Variants in TMEM132B observed in about 807,000 individuals in gnomAD.
The protein encoded by TMEM132B is transmembrane protein 132B.
A neutral mutation model predicts 90.8 loss-of-function variants in TMEM132B; 18 were observed. That is an observed-to-expected ratio of 0.20 (90% CI 0.14 to 0.29). TMEM132B has a LOEUF of 0.29. Among genes scored for constraint, TMEM132B ranks in the 10% least tolerant of loss-of-function variants. TMEM132B has a pLI of 1.00. For missense variants in TMEM132B, 1,096 were observed against 1,326.8 expected, an observed-to-expected ratio of 0.83 and a Z score of 2.70; for synonymous variants, 504 against 523.3, an observed-to-expected ratio of 0.96 and a Z score of 0.50.
At position 125,213,231 on chromosome 12, in the gene TMEM132B, G is replaced by A. The variant is rs908044319; in HGVS notation, c.67+26365G>A. Reference sequence around the variant, plus strand: ...CACAGTGGTTTTAAGGTTCATCCACGTTGTAGCCTGTGTCAGTGCTATGCT... The same window carrying A: ...CACAGTGGTTTTAAGGTTCATCCACATTGTAGCCTGTGTCAGTGCTATGCT... On this transcript the variant is annotated intron_variant, in intron 1 of 8. Transcript: ENST00000682704. This position sits in a 1 kb window ranked among gnomAD's most constrained non-coding sequence, Gnocchi z 4.2. Among the ~76,000 whole-genome samples the A allele has an allele frequency of 2.0e-5, 3 of 152,214 alleles. No homozygotes were observed. The highest frequency in any genetic ancestry group is 4.4e-5 in the Non-Finnish European group (3 of 68,032).
At chr12:125,558,816 C>G (rs1386705956) in intron 4 of TMEM132B, among the ~76,000 whole-genome samples, 2 of 152,190 alleles carry the variant, frequency 1.3e-5, no homozygotes, top group Non-Finnish European at 2.9e-5. Context: ...CCAGCAATTA[C>G]TGTTTCTAGC....
chr12:125,662,182 G>C lies in TMEM132B; in HGVS notation c.*7472G>C, dbSNP rs1887219669. 6.6e-6 allele frequency: 1 copy of C among 152,172 alleles called. No individual in the cohort carries two copies. The allele number at this position is 152,172 out of a possible 1,614,324, so 9.4% of individuals were successfully genotyped here. A position where few individuals can be genotyped will look rare whatever the true frequency, so the allele number is the denominator to read the frequency against. On this transcript the variant is annotated 3_prime_UTR_variant, in exon 9 of 9. Coordinates refer to ENST00000682704, the MANE Select transcript of TMEM132B (RefSeq NM_001366854.1). The stretch of plus-strand genomic sequence containing the variant: ...GATTCTTGTTCCCTGGTAAACACCA[G>C]ATATTATAAACAGAGCATGCTGTTA...
intron 3 of TMEM132B, among the ~76,000 whole-genome samples, chr12:125,483,852 T>C (rs76144642): frequency 0.062 from 9,367 of 152,226 alleles, 862 homozygotes; most frequent in African/African-American, 0.2. Context: ...AAGAAAAATA[T>C]GATTGCCTTG....
intron 2 of TMEM132B, among the ~76,000 whole-genome samples, chr12:125,384,849 A>G (rs779298895): frequency 6.6e-6 from 1 of 152,178 alleles, no homozygotes; most frequent in Non-Finnish European, 1.5e-5. Flanking sequence ...ATGGGGTTTC[A>G]CCATGTTGGC....
chr12:125,430,066 C>T (rs1055859788), intron 3 of TMEM132B, among the ~76,000 whole-genome samples: 5 of 152,216 alleles, frequency 3.3e-5, no homozygotes, highest in Non-Finnish European at 5.9e-5. Context: ...GACTGTGTTT[C>T]CTTCCACAAT....
intron 3 of TMEM132B, among the ~76,000 whole-genome samples, chr12:125,493,771 C>T (rs1319247766): frequency 6.6e-6 from 1 of 152,056 alleles, no homozygotes; most frequent in African/African-American, 2.4e-5. Flanking sequence ...AAGGATGTAC[C>T]CTACCTCCCC....
intron 3 of TMEM132B, among the ~76,000 whole-genome samples, chr12:125,433,383 G>A (rs1880598605): frequency 6.6e-6 from 1 of 152,044 alleles, no homozygotes; most frequent in Non-Finnish European, 1.5e-5. Context: ...TTTCTGGAAG[G>A]ACCCTCGGGT....
chr12:125,416,579 A>T (rs1193791649), intron 3 of TMEM132B, among the ~76,000 whole-genome samples: 1 of 152,252 alleles, frequency 6.6e-6, no homozygotes, highest in East Asian at 1.9e-4. Flanking sequence ...GGAGGGGAGC[A>T]TGAGAAATGG....
At position 125,260,447 on chromosome 12, in the gene TMEM132B, G is replaced by A. The variant is rs528783273; in HGVS notation, c.67+73581G>A. ...GCTTACTTCAGCCCCTAACTCCTAG[G>A]CTCAAGTGATTCTCCTGCCTCAGCC... On this transcript the variant is annotated intron_variant, in intron 1 of 8. Transcript: ENST00000682704. 6.6e-5 allele frequency among the ~76,000 whole-genome samples: 10 copies of A among 151,794 alleles called. No individual in the cohort carries two copies. In the South Asian group the frequency reaches 1.2e-3, roughly 19 times the overall value.
intron 4 of TMEM132B, among the ~76,000 whole-genome samples, chr12:125,560,802 G>T (rs1214724914): frequency 7.5e-6 from 1 of 132,812 alleles, no homozygotes; most frequent in Non-Finnish European, 1.5e-5. Flanking sequence ...TCCGCAGTCC[G>T]GCCTGGGTGA....
chr12:125,511,554 T>A (rs1364701060), intron 3 of TMEM132B, among the ~76,000 whole-genome samples: 1 of 151,670 alleles, frequency 6.6e-6, no homozygotes, highest in Non-Finnish European at 1.5e-5. Flanking sequence ...CATCTCTGCT[T>A]GAAAAAGCAT....
At chr12:125,258,794 A>G (rs7309461) in intron 1 of TMEM132B, among the ~76,000 whole-genome samples, 8,349 of 152,176 alleles carry the variant, frequency 0.055, 326 homozygotes, top group African/African-American at 0.099. Flanking sequence ...AAAACAGGAT[A>G]ACGGGATCAG....
intron 3 of TMEM132B, among the ~76,000 whole-genome samples, chr12:125,466,223 A>G (rs1388688420): frequency 6.6e-6 from 1 of 152,136 alleles, no homozygotes; most frequent in African/African-American, 2.4e-5. Flanking sequence ...TAGCAGGACC[A>G]CTTCTGGCCA....
chr12:125,313,477 C>T (rs1876168824), intron 1 of TMEM132B, among the ~76,000 whole-genome samples: 1 of 149,388 alleles, frequency 6.7e-6, no homozygotes, highest in Non-Finnish European at 1.5e-5. Flanking sequence ...TTCCTTTTTT[C>T]CCTTCCTCCC....
At chr12:125,230,288 C>T (rs1349134685) in intron 1 of TMEM132B, among the ~76,000 whole-genome samples, 3 of 152,052 alleles carry the variant, frequency 2.0e-5, no homozygotes, top group African/African-American at 7.2e-5. Flanking sequence ...CTCAGGTTGG[C>T]GCTGCGGGGA....
chr12:125,647,897 CT>C (rs757137864), intron 6 of TMEM132B, among the ~76,000 whole-genome samples: 5,260 of 135,208 alleles, frequency 0.039, 93 homozygotes, highest in African/African-American at 0.052. Context: ...CAATTGTATC[CT>C]TTTTTTTTTT....
In TMEM132B at chr12:125,564,779, G is replaced by A. The variant is rs79221796; in HGVS notation, c.1294-19072G>A. Among the ~76,000 whole-genome samples the A allele has an allele frequency of 7.1e-3, 1,087 of 152,244 alleles. 19 individuals are homozygous for A. The highest frequency in any genetic ancestry group is 0.025 in the African/African-American group (1,038 of 41,532). On this transcript the variant is annotated intron_variant, in intron 4 of 8. Transcript: ENST00000682704. ...ATGTTCTTCATATTCCCAGACTTGT[G>A]CTAGAACCCAGGCATTCAAAAGCAC... is the stretch of plus-strand genomic sequence containing the variant.
intron 1 of TMEM132B, among the ~76,000 whole-genome samples, chr12:125,187,722 G>C (rs1232854202): frequency 6.6e-6 from 1 of 152,128 alleles, no homozygotes; most frequent in Non-Finnish European, 1.5e-5. Flanking sequence ...CCTTGGTGTG[G>C]CTACATGTTG....
intron 4 of TMEM132B, among the ~76,000 whole-genome samples, chr12:125,547,136 T>C (rs1423478015): frequency 2.6e-5 from 4 of 152,186 alleles, no homozygotes; most frequent in Non-Finnish European, 5.9e-5. Flanking sequence ...ACTACAATTC[T>C]AGATGAGATT....
Sources: gnomAD v4.1 joint callset for allele counts (sites outside exome capture counted in the v4.1 genomes callset) on GRCh38, gnomAD v4.1.1 for gene constraint, Gnocchi (gnomAD v3.1) non-coding constraint, MANE v1.5 for transcripts, NCBI Gene and HGNC (gene_info 2026-07-23, HGNC 2026-07-21) for gene names.